SLC9A4: variants seen among roughly 807,000 people sequenced by gnomAD.
The protein encoded by SLC9A4 is solute carrier family 9 member A4, also known as sodium/hydrogen exchanger 4.
In SLC9A4, 63 loss-of-function variants were observed where a neutral mutation model predicts 67.4. The ratio of observed to expected loss-of-function variants is 0.93; its 90% CI spans 0.76 to 1.15. The LOEUF (loss-of-function observed/expected upper bound fraction) is 1.15. SLC9A4 is among the 50% of genes most tolerant of loss of function. SLC9A4 has a pLI of 0.00. For missense variants in SLC9A4, 1,089 were observed against 987.7 expected (o/e 1.10, Z -1.38); for synonymous variants, 393 against 367.2 (o/e 1.07, Z -0.80).
At chr2:102,523,696 C>T (rs1473716085) in intron 9 of SLC9A4, among the ~76,000 whole-genome samples, 2 of 152,170 alleles carry the variant, frequency 1.3e-5, no homozygotes, top group African/African-American at 4.8e-5. Flanking sequence ...GTGGCCTGGC[C>T]GCAGCCCCTC....
At chr2:102,513,993 A>C in intron 7 of SLC9A4, 97 bp from the exon 8 acceptor site, 1 of 1,466,278 alleles carries the variant, frequency 6.8e-7, no homozygotes, top group Non-Finnish European at 9.0e-7. Context: ...CTTCAGAATA[A>C]AGTTAAGTAG....
At position 102,473,506 on chromosome 2, in the gene SLC9A4, A is replaced by T. The variant is rs1276561602; in HGVS notation, c.-254A>T. The T allele has an allele frequency of 6.0e-6, 3 of 496,410 alleles. No homozygotes were observed. Among genetic ancestry groups the T allele is most frequent in the Non-Finnish European group, 1.1e-5 (3 of 280,034 alleles). 30.8% of individuals were successfully genotyped at this position (496,410 alleles called of 1,614,324 possible). On this transcript the variant is annotated 5_prime_UTR_variant, in exon 1 of 12. Transcript: ENST00000295269. ...GGAGGTCCTCCAGGTAGCTCCATGG[A>T]CTTTAACAAGTCTATTGAATAACTG...
chr2:102,505,196 C>T (rs751892981), intron 3 of SLC9A4, 58 bp from the exon 4 acceptor site: 2 of 1,524,036 alleles, frequency 1.3e-6, no homozygotes, highest in African/African-American at 1.4e-5. Context: ...GTGGGGAGGG[C>T]GTTTTGTGGA....
intron 9 of SLC9A4, among the ~76,000 whole-genome samples, chr2:102,524,013 C>T (rs1357471): frequency 0.65 from 99,502 of 152,128 alleles, 32,698 homozygotes; most frequent in Middle Eastern, 0.72. Flanking sequence ...CTTAGCTGCA[C>T]GCATAGCATC....
chr2:102,486,649 G>A (rs77970064), intron 2 of SLC9A4, among the ~76,000 whole-genome samples: 15,374 of 152,176 alleles, frequency 0.1, 1,023 homozygotes, highest in Middle Eastern at 0.18. Flanking sequence ...TATGGGGGGC[G>A]TGGACCTACA....
At chr2:102,511,537 T>C (rs965433704) in intron 6 of SLC9A4, among the ~76,000 whole-genome samples, 1 of 152,000 alleles carries the variant, frequency 6.6e-6, no homozygotes, top group African/African-American at 2.4e-5. Flanking sequence ...GAAGCCAGTA[T>C]AGACTTCAAT....
At chr2:102,485,114 A>C (rs1684559473) in intron 2 of SLC9A4, among the ~76,000 whole-genome samples, 1 of 152,190 alleles carries the variant, frequency 6.6e-6, no homozygotes. Flanking sequence ...CAGACTGTCT[A>C]GGTCCACATC....
chr2:102,525,132 C>A lies in SLC9A4; in HGVS notation c.1927C>A (p.His643Asn). 1 of 1,613,996 alleles carries A rather than the reference C, an allele frequency of 6.2e-7. No individual in the cohort carries two copies. The highest frequency in any genetic ancestry group is 1.1e-5 in the South Asian group (1 of 91,052). ...NTLRESMRKG[H>N]SLPWGKPAGT... ...CTTAAGGGAGAGCATGAGGAAAGGT[C>A]ACAGCCTGCCCTGGGGAAAGCCGGT... Residue 643 changes from histidine (H) to asparagine (N), a missense_variant, in exon 10 of 12, where the codon CAC becomes AAC. Coordinates refer to ENST00000295269, the MANE Select transcript of SLC9A4 (RefSeq NM_001011552.4).
chr2:102,487,685 G>T (rs757653769), intron 2 of SLC9A4, among the ~76,000 whole-genome samples: 126 of 152,162 alleles, frequency 8.3e-4, no homozygotes, highest in Non-Finnish European at 1.5e-3. Flanking sequence ...AGCTACCTAG[G>T]AGTAATTAGA....
chr2:102,528,458 G>T, intron 11 of SLC9A4, among the ~76,000 whole-genome samples: 1 of 150,864 alleles, frequency 6.6e-6, no homozygotes, highest in East Asian at 1.9e-4. Flanking sequence ...AAGGGACAGG[G>T]TCTCCCTATG....
At chr2:102,478,357 G>C (rs1464480012) in intron 1 of SLC9A4, among the ~76,000 whole-genome samples, 1 of 152,222 alleles carries the variant, frequency 6.6e-6, no homozygotes, top group African/African-American at 2.4e-5. Context: ...TGGCTGACCA[G>C]ATAGCAATGT....
intron 6 of SLC9A4, among the ~76,000 whole-genome samples, chr2:102,509,317 C>G (rs1685112384): frequency 6.6e-6 from 1 of 152,200 alleles, no homozygotes; most frequent in Admixed American, 6.5e-5. Flanking sequence ...CTTCTGCCTC[C>G]CTCTTCCACA....
intron 11 of SLC9A4, among the ~76,000 whole-genome samples, chr2:102,527,836 A>G (rs1242552775): frequency 2.0e-5 from 3 of 152,124 alleles, no homozygotes; most frequent in Non-Finnish European, 2.9e-5. Context: ...GTGAAGTTGA[A>G]CATCTTTCAC....
intron 1 of SLC9A4, 143 bp from the exon 2 acceptor site, chr2:102,478,696 A>T: frequency 1.3e-6 from 1 of 759,434 alleles, no homozygotes; most frequent in Non-Finnish European, 2.1e-6. Context: ...TCATGACACT[A>T]CCAGTTCCTG....
intron 2 of SLC9A4, among the ~76,000 whole-genome samples, chr2:102,501,984 T>C (rs1401299597): frequency 6.6e-6 from 1 of 152,028 alleles, no homozygotes; most frequent in African/African-American, 2.4e-5. Context: ...GTCCACACAG[T>C]CCATCTATGC....
chr2:102,511,954 C>T (rs1685170999), intron 6 of SLC9A4, among the ~76,000 whole-genome samples: 2 of 151,914 alleles, frequency 1.3e-5, no homozygotes, highest in African/African-American at 2.4e-5. Context: ...TGCCAGGTGC[C>T]CTGTTTTCAT....
chr2:102,487,163 T>C (rs867259953), intron 2 of SLC9A4, among the ~76,000 whole-genome samples: 3 of 141,704 alleles, frequency 2.1e-5, no homozygotes, highest in South Asian at 2.2e-4. Flanking sequence ...ACGGTGAACT[T>C]CTCAGCTCAC....
intron 2 of SLC9A4, among the ~76,000 whole-genome samples, chr2:102,502,037 A>G (rs939424007): frequency 6.6e-6 from 1 of 152,088 alleles, no homozygotes; most frequent in Admixed American, 6.5e-5. Context: ...GATTTCCTTG[A>G]GTTTTAGCTT....
In SLC9A4 at chr2:102,503,453, A is replaced by T. The variant is rs1389108107; in HGVS notation, c.726A>T (p.Leu242Phe). The stretch of plus-strand genomic sequence containing the variant: ...TTACTCTCTTTTTTGCCTAGGTCTT[A>T]TACAATATGTTAATTGCCTTTACAA... ...ALLNDGITVV[L>F]YNMLIAFTKM... The change falls in exon 3 of 12, where the codon TTA (leucine) becomes TTT (phenylalanine). Residue 242 changes from leucine (L) to phenylalanine (F), a missense_variant. Physicochemically the swap from Leu to Phe is conservative, Grantham distance 22. Transcript: ENST00000295269. 1 of 1,606,720 alleles carries T rather than the reference A, an allele frequency of 6.2e-7. No individual in the cohort carries two copies. The highest frequency in any genetic ancestry group is 1.1e-5 in the South Asian group (1 of 90,434).
Sources: gnomAD v4.1 joint callset for allele counts (sites outside exome capture counted in the v4.1 genomes callset) on GRCh38, gnomAD v4.1.1 for gene constraint, MANE v1.5 for transcripts, NCBI Gene and HGNC (gene_info 2026-07-23, HGNC 2026-07-21) for gene names.